Variants in GLB1 observed in about 807,000 individuals in gnomAD.
GLB1 encodes galactosidase beta 1.
In GLB1, 56 loss-of-function variants were observed where a neutral mutation model predicts 74.0. The ratio of observed to expected loss-of-function variants is 0.76; its 90% CI spans 0.61 to 0.94. The LOEUF (loss-of-function observed/expected upper bound fraction) is 0.94. Among genes scored for constraint, GLB1 ranks in the 40% least tolerant of loss-of-function variants. The probability of loss-of-function intolerance (pLI) is 0.00; values close to 1 mark genes in which losing one functional copy is unlikely to be tolerated. For synonymous variants in GLB1, 323 were observed against 323.6 expected, an observed-to-expected ratio of 1.00 and a Z score of 0.02; for missense variants, 787 against 845.5, an observed-to-expected ratio of 0.93 and a Z score of 0.86.
At chr3:33,014,391 G>T in intron 14 of GLB1, 81 bp from the exon 15 acceptor site, 1 of 1,571,396 alleles carries the variant, frequency 6.4e-7, no homozygotes, top group Non-Finnish European at 8.6e-7. Flanking sequence ...AGGGAAATGG[G>T]AAAAGCAAAC....
At chr3:33,030,945 A>G in intron 10 of GLB1, 1 of 473,002 alleles carries the variant, frequency 2.1e-6, no homozygotes, top group Non-Finnish European at 2.8e-6. Context: ...TTTATGGTTC[A>G]TCCTCGAGGT....
chr3:33,026,409 A>AGAGCAG (rs1270081112), intron 10 of GLB1, among the ~76,000 whole-genome samples: 1 of 152,092 alleles, frequency 6.6e-6, no homozygotes, highest in Admixed American at 6.5e-5. Flanking sequence ...GGGGGTGCTG[A>AGAGCAG]GGGCAGCTCA....
At chr3:33,019,309 G>A (rs1422097449) in intron 12 of GLB1, among the ~76,000 whole-genome samples, 6 of 152,222 alleles carry the variant, frequency 3.9e-5, no homozygotes, top group Non-Finnish European at 8.8e-5. Flanking sequence ...AGCCTCAGCA[G>A]TAACGGAATT....
chr3:32,972,777 A>C, the GLB1 span, among the ~76,000 whole-genome samples: 2 of 152,226 alleles, frequency 1.3e-5, no homozygotes, highest in African/African-American at 4.8e-5. Context: ...AAATTAAAGA[A>C]TGTGTAAGCA....
chr3:33,094,719 A>T (rs1347830147), intron 1 of GLB1, among the ~76,000 whole-genome samples: 1 of 152,206 alleles, frequency 6.6e-6, no homozygotes, highest in Non-Finnish European at 1.5e-5. Flanking sequence ...GTGACATGTG[A>T]TATGGCAACA....
At chr3:33,067,603 C>T (rs897828234) in intron 4 of GLB1, among the ~76,000 whole-genome samples, 2 of 152,078 alleles carry the variant, frequency 1.3e-5, no homozygotes. Context: ...TAGCGAGGTG[C>T]TATCATTGGC....
At chr3:32,998,217 G>T (rs1275498110) in intron 15 of GLB1, among the ~76,000 whole-genome samples, 1 of 152,238 alleles carries the variant, frequency 6.6e-6, no homozygotes, top group Non-Finnish European at 1.5e-5. Context: ...GCTAAAATTT[G>T]CTCAAAGGGG....
chr3:32,980,305 G>C, the GLB1 span, among the ~76,000 whole-genome samples: 4 of 152,110 alleles, frequency 2.6e-5, no homozygotes, highest in Non-Finnish European at 4.4e-5. Context: ...TTGCATCTTG[G>C]CTTCCTGAGT....
chr3:33,071,198 C>G (rs1699874660), intron 2 of GLB1, among the ~76,000 whole-genome samples: 1 of 152,142 alleles, frequency 6.6e-6, no homozygotes, highest in African/African-American at 2.4e-5. Flanking sequence ...TTCAGGGTTC[C>G]CTGGAACAGT....
intron 1 of GLB1, among the ~76,000 whole-genome samples, chr3:33,083,057 T>C (rs1700378020): frequency 6.6e-6 from 1 of 152,152 alleles, no homozygotes; most frequent in African/African-American, 2.4e-5. Flanking sequence ...CCAGCTTCCT[T>C]TGAGCTTCCT....
chr3:32,994,232 C>T (rs1025785695), downstream of GLB1, among the ~76,000 whole-genome samples: 1 of 152,138 alleles, frequency 6.6e-6, no homozygotes, highest in African/African-American at 2.4e-5. Flanking sequence ...CAATGGAATG[C>T]GACTCAGCAA....
At chr3:33,027,315 G>A (rs1400991552) in intron 10 of GLB1, among the ~76,000 whole-genome samples, 1 of 152,242 alleles carries the variant, frequency 6.6e-6, no homozygotes, top group Non-Finnish European at 1.5e-5. Flanking sequence ...GTGCACAGTG[G>A]CTCAACCCCA....
At chr3:33,054,685 T>C (rs1368596724) in intron 6 of GLB1, among the ~76,000 whole-genome samples, 1 of 152,268 alleles carries the variant, frequency 6.6e-6, no homozygotes, top group African/African-American at 2.4e-5. Context: ...TTCTAATTTG[T>C]ACATCAGCCA....
At chr3:33,091,782 T>C in intron 1 of GLB1, 1 of 985,486 alleles carries the variant, frequency 1.0e-6, no homozygotes, top group Non-Finnish European at 1.2e-6. Flanking sequence ...GGAGGAAGAC[T>C]TTCCATCACA....
At chr3:32,967,533 C>T in the GLB1 span, among the ~76,000 whole-genome samples, 2 of 152,134 alleles carry the variant, frequency 1.3e-5, no homozygotes, top group African/African-American at 4.8e-5. Context: ...TATATATCTC[C>T]CTCTACCCAC....
At chr3:33,060,240 A>G (rs1699388040) in intron 5 of GLB1, among the ~76,000 whole-genome samples, 1 of 152,252 alleles carries the variant, frequency 6.6e-6, no homozygotes. Flanking sequence ...GGGTTCAAGA[A>G]GTAAAACAGA....
At chr3:32,964,637 C>A in the GLB1 span, among the ~76,000 whole-genome samples, 1 of 152,210 alleles carries the variant, frequency 6.6e-6, no homozygotes, top group Non-Finnish European at 1.5e-5. Context: ...AACTGTTAGA[C>A]AACTCTGTGT....
intron 10 of GLB1, among the ~76,000 whole-genome samples, chr3:33,043,802 G>GATACCTCAGAAAATACCAAGCAAAAGA (rs1553609477): frequency 3.7e-5 from 5 of 134,770 alleles, no homozygotes; most frequent in Non-Finnish European, 6.4e-5. Flanking sequence ...CCAAGCAAAA[G>GATACCTCAGAAAATACCAAGCAAAAGA]TATGCAGGTA....
chr3:32,986,594 CTTT>C, the GLB1 span, among the ~76,000 whole-genome samples: 2 of 142,384 alleles, frequency 1.4e-5, no homozygotes, highest in Non-Finnish European at 1.5e-5. Flanking sequence ...GACTGTTTCT[CTTT>C]TTTTTTTTTT....
Sources: gnomAD v4.1 joint callset for allele counts (sites outside exome capture counted in the v4.1 genomes callset) on GRCh38, gnomAD v4.1.1 for gene constraint, MANE v1.5 for transcripts, NCBI Gene and HGNC (gene_info 2026-07-23, HGNC 2026-07-21) for gene names.